The following RBFOX1 variants were observed in gnomAD, a reference collection of about 807,000 sequenced individuals.
RBFOX1 encodes the protein RNA binding fox-1 homolog 1, also known as RNA binding protein fox-1 homolog 1.
A neutral mutation model predicts 57.7 loss-of-function variants in RBFOX1; 8 were observed. The observed-to-expected ratio is 0.14, with a 90% confidence interval of 0.08 to 0.25. The LOEUF (loss-of-function observed/expected upper bound fraction) is 0.25, where lower values mean the gene tolerates loss of function less well. Ranked by LOEUF, RBFOX1 falls within the 10% of genes least tolerant of loss-of-function variation. The probability of loss-of-function intolerance (pLI) is 1.00; values close to 1 mark genes in which losing one functional copy is unlikely to be tolerated. For synonymous variants in RBFOX1, 326 were observed against 222.4 expected (o/e 1.47, Z -4.15); for missense variants, 611 against 548.5 (o/e 1.11, Z -1.14).
chr16:5,499,054 A>G (rs1427938818), intron 2 of RBFOX1, among the ~76,000 whole-genome samples: 3 of 152,172 alleles, frequency 2.0e-5, no homozygotes, highest in Non-Finnish European at 2.9e-5. Context: ...AATATGCACA[A>G]GTGCCCCAGG....
chr16:6,449,125 C>G (rs925248102), intron 2 of RBFOX1, among the ~76,000 whole-genome samples: 2 of 152,134 alleles, frequency 1.3e-5, no homozygotes, highest in African/African-American at 2.4e-5. Flanking sequence ...TTCTATGACC[C>G]TTCGCTAATC....
chr16:5,855,535 A>G (rs940996854), intron 3 of RBFOX1, among the ~76,000 whole-genome samples: 2 of 152,118 alleles, frequency 1.3e-5, no homozygotes, highest in African/African-American at 2.4e-5. Context: ...TTGACTATAG[A>G]TGGCTGAATT....
intron 1 of RBFOX1, among the ~76,000 whole-genome samples, chr16:5,355,953 T>C (rs1388051264): frequency 6.6e-6 from 1 of 152,152 alleles, no homozygotes; most frequent in African/African-American, 2.4e-5. Flanking sequence ...TAGCTGGGCA[T>C]GGTGGCCCGT....
intron 4 of RBFOX1, among the ~76,000 whole-genome samples, chr16:7,404,955 A>C (rs572953038): frequency 1.3e-5 from 2 of 151,850 alleles, no homozygotes; most frequent in South Asian, 2.1e-4. Flanking sequence ...TCTCATGTCT[A>C]CTCCCTCTAG....
intron 1 of RBFOX1, among the ~76,000 whole-genome samples, chr16:5,389,800 C>T (rs1019167827): frequency 7.2e-5 from 11 of 151,980 alleles, no homozygotes; most frequent in African/African-American, 2.7e-4. Context: ...CAGGCTCAAG[C>T]GATTCTTCTG....
chr16:6,567,350 G>C (rs764541182), intron 2 of RBFOX1, among the ~76,000 whole-genome samples: 5 of 152,178 alleles, frequency 3.3e-5, no homozygotes, highest in Non-Finnish European at 5.9e-5. Context: ...GTTACTCTGT[G>C]TGCTGAAGAT....
At chr16:6,890,364 C>T (rs12149544) in intron 3 of RBFOX1, among the ~76,000 whole-genome samples, 5 of 152,038 alleles carry the variant, frequency 3.3e-5, no homozygotes, top group East Asian at 1.9e-4. Context: ...ACTAAAAATA[C>T]GAAAATTAGC....
At chr16:6,965,988 G>A (rs1598584196) in intron 3 of RBFOX1, among the ~76,000 whole-genome samples, 1 of 152,260 alleles carries the variant, frequency 6.6e-6, no homozygotes, top group South Asian at 2.1e-4. Flanking sequence ...GGAATGGGGA[G>A]TAAATGCTCA....
intron 2 of RBFOX1, among the ~76,000 whole-genome samples, chr16:5,553,473 G>A (rs956968761): frequency 3.0e-4 from 46 of 151,948 alleles, no homozygotes; most frequent in African/African-American, 1.1e-3. Context: ...CCGCCACCAC[G>A]CCTGGCTAAT....
Position 6,645,416 on chromosome 16 carries a change from C to G in RBFOX1, c.-63-9187C>G, listed in dbSNP as rs374522440. On this transcript the variant is annotated intron_variant, in intron 2 of 15. Transcript: ENST00000550418. ...TCCGGTGTTTCTCTCCACATTTTCTCGGGAATCTTTAAGTGCCAGATACTT... is the reference window on the plus strand; with the variant it reads ...TCCGGTGTTTCTCTCCACATTTTCTGGGGAATCTTTAAGTGCCAGATACTT... 2.6e-5 allele frequency among the ~76,000 whole-genome samples: 4 copies of G among 152,172 alleles called. No homozygotes were observed. In the East Asian group the frequency reaches 5.8e-4, roughly 22 times the overall value.
rs1190068686 is a variant in RBFOX1 at position 5,930,082 on chromosome 16, G to A, written c.351+62747G>A. On this transcript the variant is annotated intron_variant, in intron 4 of 19. Coordinates refer to the RBFOX1 transcript ENST00000641259. Reference sequence around the variant, plus strand: ...GCTGGAGAATGGGGGCTGGGAGGGGGTTTGCGTTTGTGAAAGTTGAATGGA... The same window carrying A: ...GCTGGAGAATGGGGGCTGGGAGGGGATTTGCGTTTGTGAAAGTTGAATGGA... Among the ~76,000 whole-genome samples the A allele has an allele frequency of 3.3e-5, 5 of 151,702 alleles. 1 individual carries two copies. Among genetic ancestry groups the A allele is most frequent in the South Asian group, 4.2e-4 (2 of 4,774 alleles).
intron 1 of RBFOX1, among the ~76,000 whole-genome samples, chr16:6,215,194 GGAGGATAA>G (rs2097327871): frequency 7.4e-6 from 1 of 134,600 alleles, no homozygotes; most frequent in Admixed American, 7.3e-5. Context: ...GAGAAGGAGA[GGAGGATAA>G]GGAGAGGGAG....
chr16:7,646,244 A>T (rs2063713150), intron 11 of RBFOX1, among the ~76,000 whole-genome samples: 1 of 152,182 alleles, frequency 6.6e-6, no homozygotes. Flanking sequence ...CTGCCTCGGA[A>T]ATTGCTGCTC....
chr16:6,753,057 T>C (rs1387420046), intron 3 of RBFOX1, among the ~76,000 whole-genome samples: 2 of 141,356 alleles, frequency 1.4e-5, no homozygotes, highest in Non-Finnish European at 3.1e-5. Context: ...GGTCATATAG[T>C]ATTATTAGGA....
At chr16:6,736,930 A>G (rs2070514478) in intron 3 of RBFOX1, among the ~76,000 whole-genome samples, 2 of 152,274 alleles carry the variant, frequency 1.3e-5, no homozygotes. Flanking sequence ...TGGATTGGTG[A>G]TGTCTGCTGT....
At chr16:7,568,882 CA>C (rs34858992) in intron 5 of RBFOX1, among the ~76,000 whole-genome samples, 10,895 of 76,190 alleles carry the variant, frequency 0.14, 221 homozygotes, top group East Asian at 0.21. Context: ...GACTCTGTCT[CA>C]AAAAAAAAAA....
rs1420070 is a variant in RBFOX1 at position 6,597,877 on chromosome 16, G to A, written c.-63-56726G>A. ...CCTTGGAGCTGCCATGGCCATCTTG[G>A]CACCATGAAGTGAGTATCCTCAGAA... On this transcript the variant is annotated intron_variant, in intron 2 of 15. Transcript: ENST00000550418. Among the ~76,000 whole-genome samples, 11 of 152,148 alleles carry A rather than the reference G, an allele frequency of 7.2e-5. No individual in the cohort carries two copies. In the South Asian group the frequency reaches 1.9e-3, roughly 26 times the overall value.
rs369155026 is a variant in RBFOX1 at position 5,275,499 on chromosome 16, A to T, written c.219+35394A>T. Among the ~76,000 whole-genome samples the T allele has an allele frequency of 1.4e-4, 22 of 152,312 alleles. No homozygotes were observed. The East Asian group carries it at 3.1e-3, about 21-fold the overall frequency. On this transcript the variant is annotated intron_variant, in intron 1 of 2. Transcript: ENST00000585867. ...AACCAAGGAGGTGAAATACCCCTAC[A>T]AGGAAAACTACAAAACACTGCTGAA...
At chr16:5,443,107 T>A (rs1204945719) in intron 1 of RBFOX1, among the ~76,000 whole-genome samples, 1 of 152,174 alleles carries the variant, frequency 6.6e-6, no homozygotes, top group Non-Finnish European at 1.5e-5. Flanking sequence ...GACACCTTTA[T>A]TGTGGACTTC....
Sources: gnomAD v4.1 joint callset for allele counts (sites outside exome capture counted in the v4.1 genomes callset) on GRCh38, gnomAD v4.1.1 for gene constraint, MANE v1.5 for transcripts, NCBI Gene and HGNC (gene_info 2026-07-23, HGNC 2026-07-21) for gene names.